The following PGM5 variants were observed in gnomAD, a reference collection of about 807,000 sequenced individuals.
PGM5 encodes the protein phosphoglucomutase-like protein 5.
PGM5 carries 23 observed loss-of-function variants against 59.2 expected under a neutral mutation model. The ratio of observed to expected loss-of-function variants is 0.39; its 90% CI spans 0.28 to 0.55. The LOEUF (loss-of-function observed/expected upper bound fraction) is 0.55, where lower values mean the gene tolerates loss of function less well. Ranked by LOEUF, PGM5 falls within the 20% of genes least tolerant of loss-of-function variation. PGM5 has a pLI of 0.66. For synonymous variants in PGM5, 214 were observed against 286.0 expected (o/e 0.75, Z 2.54); for missense variants, 574 against 748.3 (o/e 0.77, Z 2.72).
intron 6 of PGM5, among the ~76,000 whole-genome samples, chr9:68,411,346 G>C (rs1221811229): frequency 2.7e-5 from 4 of 150,426 alleles, no homozygotes; most frequent in African/African-American, 9.8e-5. Flanking sequence ...GCAACATAGA[G>C]ACATACAGCG....
chr9:68,471,276 T>G (rs1824015007), intron 7 of PGM5, among the ~76,000 whole-genome samples: 1 of 152,186 alleles, frequency 6.6e-6, no homozygotes, highest in Non-Finnish European at 1.5e-5. Flanking sequence ...AGGGGTTCTT[T>G]TCCCAGTGTC....
At chr9:68,477,914 C>T (rs1554686798) in intron 7 of PGM5, among the ~76,000 whole-genome samples, 1 of 152,206 alleles carries the variant, frequency 6.6e-6, no homozygotes, top group African/African-American at 2.4e-5. Context: ...AGCTTGTCCT[C>T]TTAACTTGAT....
chr9:68,470,955 G>T (rs1824010171), intron 7 of PGM5, among the ~76,000 whole-genome samples: 1 of 152,170 alleles, frequency 6.6e-6, no homozygotes. Context: ...ACTCCCTTCT[G>T]GGTCCTCTGT....
chr9:68,512,933 G>A (rs1824774141), intron 10 of PGM5, among the ~76,000 whole-genome samples: 1 of 152,212 alleles, frequency 6.6e-6, no homozygotes, highest in African/African-American at 2.4e-5. Context: ...ATTTTAACAT[G>A]TCACAAAATC....
At chr9:68,477,677 C>T (rs1306990028) in intron 7 of PGM5, among the ~76,000 whole-genome samples, 1 of 152,188 alleles carries the variant, frequency 6.6e-6, no homozygotes, top group African/African-American at 2.4e-5. Context: ...GGAATCAGCA[C>T]CTTGCAGTAA....
chr9:68,484,131 A>G, intron 9 of PGM5, 83 bp downstream of exon 9: 1 of 1,218,840 alleles, frequency 8.2e-7, no homozygotes, highest in Admixed American at 1.8e-5. Flanking sequence ...GTCCTTAGGG[A>G]TGATCTAAGG....
chr9:68,461,781 A>G (rs1823862841), intron 6 of PGM5, among the ~76,000 whole-genome samples: 1 of 151,756 alleles, frequency 6.6e-6, no homozygotes, highest in African/African-American at 2.4e-5. Context: ...CAGCTATCCC[A>G]TTATAAGAGC....
intron 1 of PGM5, among the ~76,000 whole-genome samples, chr9:68,370,732 T>C (rs1821679548): frequency 6.6e-6 from 1 of 152,352 alleles, no homozygotes; most frequent in South Asian, 2.1e-4. Context: ...CATTTATGGA[T>C]GAAAAAGCCC....
intron 9 of PGM5, among the ~76,000 whole-genome samples, chr9:68,490,456 G>C (rs1365589951): frequency 3.9e-5 from 6 of 152,340 alleles, no homozygotes; most frequent in Admixed American, 1.3e-4. Flanking sequence ...CTGGGTTCAA[G>C]AGATTCTCCT....
In PGM5 at chr9:68,510,298, C is replaced by T. The variant is rs569935268; in HGVS notation, c.1614+10937C>T. On this transcript the variant is annotated intron_variant, in intron 10 of 10. Transcript: ENST00000396396. The stretch of plus-strand genomic sequence containing the variant: ...TCCCAAGTAGCTGGGACTACACGCA[C>T]CCGCCACCACGCCCGGCTAAATTTT... Among the ~76,000 whole-genome samples the T allele has an allele frequency of 2.0e-5, 3 of 151,956 alleles. No individual in the cohort carries two copies. The East Asian group carries it at 5.8e-4, about 29-fold the overall frequency.
chr9:68,420,390 T>C (rs1823107759), intron 6 of PGM5, among the ~76,000 whole-genome samples: 1 of 152,216 alleles, frequency 6.6e-6, no homozygotes, highest in South Asian at 2.1e-4. Flanking sequence ...AGGTTCATAT[T>C]ATCTATGAGG....
intron 10 of PGM5, among the ~76,000 whole-genome samples, chr9:68,511,346 G>C (rs142749940): frequency 6.6e-6 from 1 of 152,032 alleles, no homozygotes; most frequent in Non-Finnish European, 1.5e-5. Flanking sequence ...CAGAGAGGAG[G>C]ATATATTGAG....
At chr9:68,502,234 T>C (rs1554688705) in intron 10 of PGM5, among the ~76,000 whole-genome samples, 1 of 152,202 alleles carries the variant, frequency 6.6e-6, no homozygotes, top group Non-Finnish European at 1.5e-5. Flanking sequence ...ACCTAGTTTT[T>C]TAAAATACAA....
intron 2 of PGM5, among the ~76,000 whole-genome samples, chr9:68,379,236 A>G (rs1313686335): frequency 7.9e-5 from 12 of 152,204 alleles, no homozygotes; most frequent in Admixed American, 7.2e-4. Context: ...TAAGGATGCC[A>G]TGCATTTGCT....
At position 68,466,178 on chromosome 9, in the gene PGM5, T is replaced by C. The variant is rs782547795; in HGVS notation, c.1159+970T>C. 2.7e-5 allele frequency: 35 copies of C among 1,300,182 alleles called. No individual in the cohort carries two copies. The South Asian group carries it at 4.4e-4, about 16-fold the overall frequency. 80.5% of individuals were successfully genotyped at this position (1,300,182 alleles called of 1,614,324 possible). On this transcript the variant is annotated intron_variant, in intron 7 of 10. Coordinates refer to ENST00000396396, the MANE Select transcript of PGM5 (RefSeq NM_021965.4). The stretch of plus-strand genomic sequence containing the variant: ...GTGTTTCAGTTTAGATCGTCTCTAT[T>C]GGAACATCTTTAAGTTCACTGATTC...
intron 7 of PGM5, among the ~76,000 whole-genome samples, chr9:68,478,663 G>A (rs571710033): frequency 7.2e-5 from 11 of 152,226 alleles, no homozygotes; most frequent in South Asian, 4.2e-4. Flanking sequence ...GACTTGTGGC[G>A]GCACAACTGT....
intron 6 of PGM5, among the ~76,000 whole-genome samples, chr9:68,463,139 GA>G (rs564209905): frequency 2.4e-4 from 37 of 151,082 alleles, no homozygotes; most frequent in Non-Finnish European, 4.7e-4. Flanking sequence ...TGGGGTTTGT[GA>G]AAAGGGAGGT....
intron 10 of PGM5, among the ~76,000 whole-genome samples, chr9:68,525,882 T>C (rs984241012): frequency 3.9e-5 from 6 of 151,968 alleles, no homozygotes; most frequent in African/African-American, 7.2e-5. Context: ...CTGTGAAACC[T>C]CATCTCTACT....
intron 1 of PGM5, among the ~76,000 whole-genome samples, chr9:68,374,040 G>C (rs1463253358): frequency 6.6e-6 from 1 of 152,308 alleles, no homozygotes; most frequent in East Asian, 1.9e-4. Context: ...AGATGCAAGG[G>C]TGGGTTGGAA....
Sources: allele counts gnomAD v4.1 joint callset (sites outside exome capture counted in the v4.1 genomes callset), GRCh38; gene constraint gnomAD v4.1.1; transcripts MANE v1.5; gene names NCBI Gene and HGNC (gene_info 2026-07-23, HGNC 2026-07-21).